The following B3GALT1 variants were observed in gnomAD, a reference collection of about 807,000 sequenced individuals.
B3GALT1 encodes UDP-Gal:betaGlcNAc beta 1,3-galactosyltransferase, polypeptide 1.
Under a neutral mutation model 23.2 loss-of-function variants are expected in B3GALT1, and 10 were observed. The observed-to-expected ratio is 0.43, with a 90% CI of 0.27 to 0.73. The LOEUF (loss-of-function observed/expected upper bound fraction) is 0.73, where lower values mean the gene tolerates loss of function less well. Among genes scored for constraint, B3GALT1 ranks in the 30% least tolerant of loss-of-function variants. B3GALT1 has a pLI of 0.21. For synonymous variants in B3GALT1, 156 were observed against 141.5 expected, an observed-to-expected ratio of 1.10 and a Z score of -0.73; for missense variants, 299 against 405.4, an observed-to-expected ratio of 0.74 and a Z score of 2.25.
chr2:167,825,324 T>C (rs1423948829), intron 4 of B3GALT1, among the ~76,000 whole-genome samples: 1 of 145,406 alleles, frequency 6.9e-6, no homozygotes, highest in Non-Finnish European at 1.5e-5. Context: ...CAAGCAAAAC[T>C]TAGAGTGAGA....
intron 2 of B3GALT1, among the ~76,000 whole-genome samples, chr2:167,565,045 C>A (rs1486563131): frequency 6.6e-6 from 1 of 152,158 alleles, no homozygotes. Context: ...GCCCGCATTG[C>A]CAAGTCAATC....
At chr2:167,713,934 A>AC in intron 3 of B3GALT1, 1 of 1,571,414 alleles carries the variant, frequency 6.4e-7, no homozygotes, top group Non-Finnish European at 8.8e-7. Flanking sequence ...CTTCTCGTGA[A>AC]CAGGCCCCTT....
intron 1 of B3GALT1, among the ~76,000 whole-genome samples, chr2:167,420,727 C>T (rs1698533962): frequency 6.6e-6 from 1 of 152,180 alleles, no homozygotes; most frequent in East Asian, 1.9e-4. Flanking sequence ...TCCATTTTAT[C>T]AGTTGCACCT....
At chr2:167,625,641 G>A (rs769614765) in intron 2 of B3GALT1, among the ~76,000 whole-genome samples, 9 of 151,568 alleles carry the variant, frequency 5.9e-5, no homozygotes, top group Non-Finnish European at 1.3e-4. Context: ...TCAAAGGAGA[G>A]CTTTAGATTC....
At chr2:167,654,633 G>A (rs1355148965) in intron 3 of B3GALT1, among the ~76,000 whole-genome samples, 2 of 151,642 alleles carry the variant, frequency 1.3e-5, no homozygotes, top group African/African-American at 4.8e-5. Context: ...AGCTGGGATA[G>A]CAAGTGTGCA....
At chr2:167,859,391 A>G (rs1324406924) in intron 4 of B3GALT1, among the ~76,000 whole-genome samples, 1 of 152,156 alleles carries the variant, frequency 6.6e-6, no homozygotes, top group Non-Finnish European at 1.5e-5. Flanking sequence ...AGGGCAACAC[A>G]TTGATTTGAA....
chr2:167,564,923 C>G (rs970590767), intron 2 of B3GALT1, among the ~76,000 whole-genome samples: 38 of 152,260 alleles, frequency 2.5e-4, no homozygotes, highest in African/African-American at 8.7e-4. Context: ...TGAAAATGGC[C>G]ATACTGCCCA....
At chr2:167,326,852 G>T (rs1696903982) in intron 1 of B3GALT1, among the ~76,000 whole-genome samples, 1 of 151,952 alleles carries the variant, frequency 6.6e-6, no homozygotes, top group East Asian at 1.9e-4. Context: ...ACAACACCCG[G>T]CTAATTTTTC....
intron 2 of B3GALT1, among the ~76,000 whole-genome samples, chr2:167,557,115 A>G (rs577302167): frequency 6.6e-6 from 1 of 152,254 alleles, no homozygotes; most frequent in East Asian, 1.9e-4. Context: ...TGACTATAAA[A>G]GCTGGTTATC....
intron 1 of B3GALT1, among the ~76,000 whole-genome samples, chr2:167,308,275 C>T (rs1696580177): frequency 6.6e-6 from 1 of 151,838 alleles, no homozygotes; most frequent in African/African-American, 2.4e-5. Flanking sequence ...ATACCAGAAC[C>T]TCAAACAAAA....
chr2:167,493,925 C>T (rs1699743558), intron 2 of B3GALT1, among the ~76,000 whole-genome samples: 1 of 152,108 alleles, frequency 6.6e-6, no homozygotes, highest in Admixed American at 6.6e-5. Flanking sequence ...TACTGGTGAT[C>T]TATAGGCTAC....
intron 3 of B3GALT1, among the ~76,000 whole-genome samples, chr2:167,801,806 A>T (rs548990870): frequency 6.6e-6 from 1 of 152,356 alleles, no homozygotes; most frequent in South Asian, 2.1e-4. Context: ...AAGAATTTCA[A>T]GTATTTTAGA....
At chr2:167,379,766 A>T (rs1316196762) in intron 1 of B3GALT1, among the ~76,000 whole-genome samples, 2 of 152,220 alleles carry the variant, frequency 1.3e-5, no homozygotes, top group African/African-American at 2.4e-5. Flanking sequence ...GTCCACCTAT[A>T]GGTCCCCCAG....
chr2:167,868,834 C>T lies in B3GALT1; in HGVS notation c.-206C>T, dbSNP rs1690284596. The T allele has an allele frequency of 7.2e-6, 4 of 558,290 alleles. No individual in the cohort carries two copies. Among genetic ancestry groups the T allele is most frequent in the East Asian group, 2.9e-5 (1 of 34,844 alleles). 34.6% of individuals were successfully genotyped at this position (558,290 alleles called of 1,614,324 possible). A position where few individuals can be genotyped will look rare whatever the true frequency, so the allele number is the denominator to read the frequency against. Reference sequence around the variant, plus strand: ...AGAGTTAAGAGGAAGATTTATGAGTCATGGAACCCTCCATCAGATTTGGAA... The same window carrying T: ...AGAGTTAAGAGGAAGATTTATGAGTTATGGAACCCTCCATCAGATTTGGAA... On this transcript the variant is annotated 5_prime_UTR_variant, in exon 5 of 5. Transcript: ENST00000392690.
chr2:167,810,720 AAC>A, intron 3 of B3GALT1, among the ~76,000 whole-genome samples: 1 of 144,992 alleles, frequency 6.9e-6, no homozygotes, highest in Non-Finnish European at 1.5e-5. Flanking sequence ...CAAAGAAAAC[AAC>A]ACACAGACCC....
intron 1 of B3GALT1, among the ~76,000 whole-genome samples, chr2:167,307,116 A>G (rs1222801917): frequency 2.0e-5 from 3 of 152,024 alleles, no homozygotes; most frequent in Non-Finnish European, 4.4e-5. Flanking sequence ...GATATATCCT[A>G]AAAAAGATTA....
intron 1 of B3GALT1, among the ~76,000 whole-genome samples, chr2:167,484,628 T>A (rs536753875): frequency 1.4e-4 from 21 of 152,164 alleles, no homozygotes; most frequent in Non-Finnish European, 2.9e-4. Context: ...AAGGAGTGTC[T>A]AGGTTAAGAA....
At chr2:167,791,298 T>C (rs141705708) in intron 3 of B3GALT1, among the ~76,000 whole-genome samples, 158 of 152,260 alleles carry the variant, frequency 1.0e-3, no homozygotes, top group Non-Finnish European at 1.7e-3. Flanking sequence ...GGCTTTGTCA[T>C]ACAAACTACT....
chr2:167,787,439 G>A lies in B3GALT1; in HGVS notation c.-351-31233G>A, dbSNP rs570711523. Among the ~76,000 whole-genome samples the A allele has an allele frequency of 5.9e-5, 9 of 152,330 alleles. No individual in the cohort carries two copies. The South Asian group carries it at 1.9e-3, about 32-fold the overall frequency. ...AGAAAAAAATGACCTCGATGCTAATGCAAGGGAGTAGGATGTACCAGCCAA... is the reference window on the plus strand; with the variant it reads ...AGAAAAAAATGACCTCGATGCTAATACAAGGGAGTAGGATGTACCAGCCAA... On this transcript the variant is annotated intron_variant, in intron 3 of 4. Coordinates refer to ENST00000392690, the MANE Select transcript of B3GALT1 (RefSeq NM_020981.4).
Sources: gnomAD v4.1 joint callset for allele counts (sites outside exome capture counted in the v4.1 genomes callset) on GRCh38, gnomAD v4.1.1 for gene constraint, MANE v1.5 for transcripts, NCBI Gene and HGNC (gene_info 2026-07-23, HGNC 2026-07-21) for gene names.